The following A4GNT variants were observed in gnomAD, a reference collection of about 807,000 sequenced individuals.
The protein encoded by A4GNT is alpha-1,4-N-acetylglucosaminyltransferase.
A neutral mutation model predicts 8.3 loss-of-function variants in A4GNT; 6 were observed. The ratio of observed to expected loss-of-function variants is 0.72; its 90% CI spans 0.39 to 1.42. The LOEUF (loss-of-function observed/expected upper bound fraction) is 1.42. A4GNT is among the 40% of genes most tolerant of loss of function. The pLI is 0.02. For missense variants in A4GNT, 377 were observed against 417.0 expected, an observed-to-expected ratio of 0.90 and a Z score of 0.84; for synonymous variants, 157 against 159.8, an observed-to-expected ratio of 0.98 and a Z score of 0.13.
At position 138,124,587 on chromosome 3, in the gene A4GNT, C is replaced by A; in HGVS notation, c.700G>T (p.Val234Leu). 6.2e-7 allele frequency: 1 copy of A among 1,614,218 alleles called. No individual in the cohort carries two copies. The highest frequency in any genetic ancestry group is 8.5e-7 in the Non-Finnish European group (1 of 1,180,042). Residue 234 changes from valine to leucine, a missense_variant, in exon 3 of 3, where the codon GTA becomes TTA. By Grantham distance (32) the Val-to-Leu change is conservative. Transcript: ENST00000236709. The stretch of plus-strand genomic sequence containing the variant: ...TGGAAGTCTTCAAGTTTACACCATA[C>A]CCTCAACATCCTTGTCATCAACTCA... ...GPELMTRMLRVWCKLEDFQEV... is the reference protein window; with the variant it reads ...GPELMTRMLRLWCKLEDFQEV...
Position 138,130,991 on chromosome 3 carries a change from C to A in A4GNT, c.266G>T (p.Gly89Val). The change falls in exon 2 of 3, where the codon GGT (glycine) becomes GTT (valine). Residue 89 changes from glycine to valine, a missense_variant. Coordinates refer to ENST00000236709, the MANE Select transcript of A4GNT (RefSeq NM_016161.3). ...GGGCATCGGTGTGGAATCAGTAAGACCCTTCATAAAGAACACCACAGGCCA... is the reference window on the plus strand; with the variant it reads ...GGGCATCGGTGTGGAATCAGTAAGAACCTTCATAAAGAACACCACAGGCCA... ...PEWPVVFFMKGLTDSTPMPSN... is the reference protein window; with the variant it reads ...PEWPVVFFMKVLTDSTPMPSN... 1.9e-6 allele frequency: 3 copies of A among 1,614,022 alleles called. No individual in the cohort carries two copies. The highest frequency in any genetic ancestry group is 2.5e-6 in the Non-Finnish European group (3 of 1,180,006).
Position 138,130,852 on chromosome 3 carries a change from A to G in A4GNT, c.405T>C (p.Asn135=). 6.2e-7 allele frequency: 1 copy of G among 1,613,724 alleles called. No homozygotes were observed. The highest frequency in any genetic ancestry group is 1.1e-5 in the South Asian group (1 of 91,016). Residue 135 remains asparagine (N), a synonymous_variant, in exon 2 of 3, where the codon AAT becomes AAC. Coordinates refer to ENST00000236709, the MANE Select transcript of A4GNT (RefSeq NM_016161.3). The part of the protein sequence containing the change: ...LEDTPLFSWY[N]QINASAERNW... ...TTAAGTTTCCCTAAACACTTACTTG[A>G]TTGTACCATGAAAACAATGGTGTGT... is the stretch of plus-strand genomic sequence containing the variant.
At chr3:138,127,724 C>T (rs868452151) in intron 2 of A4GNT, among the ~76,000 whole-genome samples, 1 of 152,172 alleles carries the variant, frequency 6.6e-6, no homozygotes. Context: ...TACAATAGCC[C>T]AGATCAGTGC....
chr3:138,131,390 C>A (rs2042776432), intron 1 of A4GNT, 108 bp from the exon 2 acceptor site: 3 of 936,868 alleles, frequency 3.2e-6, no homozygotes, highest in Non-Finnish European at 2.9e-6. Flanking sequence ...TTTTAAATAT[C>A]CTAAATAAAA....
intron 2 of A4GNT, among the ~76,000 whole-genome samples, chr3:138,129,595 G>T (rs765271748): frequency 2.0e-5 from 3 of 152,150 alleles, no homozygotes; most frequent in Non-Finnish European, 4.4e-5. Context: ...ATGCCACCAG[G>T]TTGGTGGTAA....
chr3:138,131,427 T>TAA (rs376911300), intron 1 of A4GNT, 145 bp from the exon 2 acceptor site: 18 of 682,148 alleles, frequency 2.6e-5, no homozygotes, highest in East Asian at 3.6e-5. Context: ...CCAGCAATAT[T>TAA]AAAAAAAAAA....
chr3:138,124,199 T>A lies in A4GNT; in HGVS notation c.*65A>T, dbSNP rs2042730591. On this transcript the variant is annotated 3_prime_UTR_variant, in exon 3 of 3. Coordinates refer to ENST00000236709, the MANE Select transcript of A4GNT (RefSeq NM_016161.3). ...CCGCCAAGAGACAGTGGAGATCAAG[T>A]GAAAATGTGGCACTCCAGGAAATGT... 5 of 1,551,694 alleles carry A rather than the reference T, an allele frequency of 3.2e-6. No homozygotes were observed. The highest frequency in any genetic ancestry group is 4.4e-6 in the Non-Finnish European group (5 of 1,147,374).
intron 1 of A4GNT, 26 bp from the exon 2 acceptor site, chr3:138,131,308 A>G: frequency 7.0e-7 from 1 of 1,426,526 alleles, no homozygotes. Context: ...ATTAATTAAA[A>G]ATCACAGCTG....
chr3:138,124,333 C>A lies in A4GNT; in HGVS notation c.954G>T (p.Arg318Ser), dbSNP rs1022472732. 2.5e-6 allele frequency: 4 copies of A among 1,614,216 alleles called. No homozygotes were observed. The highest frequency in any genetic ancestry group is 1.7e-6 in the Non-Finnish European group (2 of 1,180,038). Reference protein sequence around the residue: ...VENLYRKHCPRTYRDLIKGPE... With the variant: ...VENLYRKHCPSTYRDLIKGPE... ...GGCCTTTAATCAGGTCCCTGTAAGT[C>A]CTGGGACAGTGCTTGCGATAGAGAT... Residue 318 changes from arginine to serine, a missense_variant, in exon 3 of 3, where the codon AGG (arginine) becomes AGT (serine). Arg to Ser is a moderately radical substitution (Grantham distance 110). Coordinates refer to ENST00000236709, the MANE Select transcript of A4GNT (RefSeq NM_016161.3).
upstream of A4GNT, among the ~76,000 whole-genome samples, chr3:138,132,808 A>G (rs1433960926): frequency 6.6e-6 from 1 of 152,236 alleles, no homozygotes; most frequent in East Asian, 1.9e-4. Context: ...ACAAATAAGC[A>G]ATGAACAAAG....
Position 138,124,205 on chromosome 3 carries a change from T to C in A4GNT, c.*59A>G. The C allele has an allele frequency of 6.4e-7, 1 of 1,555,222 alleles. No homozygotes were observed. Among genetic ancestry groups the C allele is most frequent in the Non-Finnish European group, 8.7e-7 (1 of 1,149,092 alleles). On this transcript the variant is annotated 3_prime_UTR_variant, in exon 3 of 3. Transcript: ENST00000236709. ...AGAGACAGTGGAGATCAAGTGAAAA[T>C]GTGGCACTCCAGGAAATGTCCATTT...
chr3:138,129,744 T>A (rs2042765412), intron 2 of A4GNT, among the ~76,000 whole-genome samples: 1 of 152,196 alleles, frequency 6.6e-6, no homozygotes, highest in Non-Finnish European at 1.5e-5. Context: ...TGCTACAGCC[T>A]ATGATTAGAA....
At chr3:138,129,104 C>G (rs1024588024) in intron 2 of A4GNT, among the ~76,000 whole-genome samples, 1 of 152,102 alleles carries the variant, frequency 6.6e-6, no homozygotes, top group Non-Finnish European at 1.5e-5. Flanking sequence ...CTGACAGCAA[C>G]TAGGTACAAG....
intron 2 of A4GNT, among the ~76,000 whole-genome samples, chr3:138,130,626 G>A (rs897161816): frequency 1.3e-5 from 2 of 152,120 alleles, no homozygotes; most frequent in Non-Finnish European, 2.9e-5. Context: ...AAGTAACCAA[G>A]ATCCTAAAAG....
Position 138,124,821 on chromosome 3 carries a change from C to A in A4GNT, c.466G>T (p.Ala156Ser). The A allele has an allele frequency of 6.2e-7, 1 of 1,613,906 alleles. No individual in the cohort carries two copies. Among genetic ancestry groups the A allele is most frequent in the Non-Finnish European group, 8.5e-7 (1 of 1,180,030 alleles). The change falls in exon 3 of 3, where the codon GCC becomes TCC. Residue 156 changes from alanine (A) to serine (S), a missense_variant. Coordinates refer to ENST00000236709, the MANE Select transcript of A4GNT (RefSeq NM_016161.3). Reference sequence around the variant, plus strand: ...ATGCCACCGTATTTCCAGATGATGGCCAGGCGGGATGCATCCGAGCTGATG... The same window carrying A: ...ATGCCACCGTATTTCCAGATGATGGACAGGCGGGATGCATCCGAGCTGATG... ...LHISSDASRL[A>S]IIWKYGGIYM...
intron 2 of A4GNT, among the ~76,000 whole-genome samples, chr3:138,128,297 T>G (rs1239315550): frequency 6.6e-6 from 1 of 152,106 alleles, no homozygotes; most frequent in Non-Finnish European, 1.5e-5. Context: ...TGAGACTGGG[T>G]AATTTATAAA....
At chr3:138,129,161 G>A (rs2042762612) in intron 2 of A4GNT, among the ~76,000 whole-genome samples, 2 of 152,118 alleles carry the variant, frequency 1.3e-5, no homozygotes, top group African/African-American at 4.8e-5. Flanking sequence ...GGCAAATGAG[G>A]TGGGTCAGGG....
chr3:138,129,119 C>G (rs1266665970), intron 2 of A4GNT, among the ~76,000 whole-genome samples: 1 of 152,086 alleles, frequency 6.6e-6, no homozygotes, highest in Non-Finnish European at 1.5e-5. Flanking sequence ...TACAAGCATG[C>G]CCTCCACCCA....
intron 1 of A4GNT, 121 bp downstream of exon 1, chr3:138,132,091 G>C (rs1009107759): frequency 2.6e-5 from 4 of 152,130 alleles, no homozygotes; most frequent in African/African-American, 9.7e-5. Flanking sequence ...AATTAACAAA[G>C]GAAGCAAACT....
Sources: gnomAD v4.1 joint callset for allele counts (sites outside exome capture counted in the v4.1 genomes callset) on GRCh38, gnomAD v4.1.1 for gene constraint, MANE v1.5 for transcripts, NCBI Gene and HGNC (gene_info 2026-07-23, HGNC 2026-07-21) for gene names.